LRP1B: variants seen among roughly 807,000 people sequenced by gnomAD.
LRP1B encodes the protein low-density lipoprotein receptor-related protein 1B.
In LRP1B, 217 loss-of-function variants were observed where a neutral mutation model predicts 556.6. The ratio of observed to expected loss-of-function variants is 0.39; its 90% CI spans 0.35 to 0.44. The LOEUF (loss-of-function observed/expected upper bound fraction) is 0.44. Ranked by LOEUF, LRP1B falls within the 20% of genes least tolerant of loss-of-function variation. LRP1B has a pLI of 1.00. For synonymous variants in LRP1B, 2,047 were observed against 1,865.8 expected, an observed-to-expected ratio of 1.10 and a Z score of -2.50; for missense variants, 5,053 against 5,620.8, an observed-to-expected ratio of 0.90 and a Z score of 3.23.
At chr2:141,111,970 C>T (rs7602763) in intron 7 of LRP1B, among the ~76,000 whole-genome samples, 76,073 of 151,218 alleles carry the variant, frequency 0.5, 19,913 homozygotes, top group Middle Eastern at 0.67. Context: ...GGCGTGAACT[C>T]GGGAGGCAGA....
intron 35 of LRP1B, among the ~76,000 whole-genome samples, chr2:140,742,823 T>A (rs752432732): frequency 6.6e-5 from 10 of 152,036 alleles, no homozygotes; most frequent in South Asian, 2.1e-4. Flanking sequence ...TGCCAAAAAA[T>A]TACATATAAT....
At chr2:142,023,251 T>C (rs1178181061) in intron 1 of LRP1B, among the ~76,000 whole-genome samples, 1 of 152,194 alleles carries the variant, frequency 6.6e-6, no homozygotes, top group Non-Finnish European at 1.5e-5. Flanking sequence ...AAATATATTG[T>C]TGCCTTCTCT....
intron 5 of LRP1B, among the ~76,000 whole-genome samples, chr2:141,229,895 T>G (rs1481616790): frequency 2.6e-5 from 4 of 151,952 alleles, no homozygotes; most frequent in Non-Finnish European, 5.9e-5. Flanking sequence ...AAACAAAGAG[T>G]GCACCTGTGA....
At chr2:140,988,073 A>G (rs893854789) in intron 17 of LRP1B, among the ~76,000 whole-genome samples, 2 of 152,154 alleles carry the variant, frequency 1.3e-5, no homozygotes, top group African/African-American at 4.8e-5. Flanking sequence ...AGTTGAACTG[A>G]CCATACCTAA....
In LRP1B at chr2:141,544,340, C is replaced by CTT. The variant is rs1231241122; in HGVS notation, c.206-63809_206-63808dup. 2.6e-3 allele frequency among the ~76,000 whole-genome samples: 191 copies of CTT among 73,230 alleles called. 2 individuals carry two copies. The highest frequency in any genetic ancestry group is 0.018 in the South Asian group (26 of 1,416). 48.0% of individuals were successfully genotyped at this position (73,230 alleles called of 152,430 possible). A position where few individuals can be genotyped will look rare whatever the true frequency, so the allele number is the denominator to read the frequency against. On this transcript the variant is annotated intron_variant, in intron 2 of 90. Transcript: ENST00000389484. ...TCTTCTTCTTCTTCTTCTTCTTCTT[C>CTT]TTCTTCTTCTTCTTCTTCTTCTTCT...
At chr2:140,599,497 A>G (rs912777841) in intron 42 of LRP1B, among the ~76,000 whole-genome samples, 1 of 152,112 alleles carries the variant, frequency 6.6e-6, no homozygotes, top group African/African-American at 2.4e-5. Context: ...AAGGCAGTTT[A>G]GCATTACAGC....
At chr2:141,240,448 AT>A (rs1384265148) in intron 5 of LRP1B, among the ~76,000 whole-genome samples, 2 of 151,872 alleles carry the variant, frequency 1.3e-5, no homozygotes, top group African/African-American at 4.8e-5. Context: ...ATACTTTTAT[AT>A]TTTTCCCAGG....
intron 55 of LRP1B, among the ~76,000 whole-genome samples, chr2:140,500,138 A>C (rs1689117465): frequency 1.3e-5 from 2 of 151,886 alleles, no homozygotes; most frequent in Admixed American, 6.6e-5. Flanking sequence ...GAATGAGTTC[A>C]TATTCTAAGT....
rs777438726 is a variant in LRP1B, at chr2:141,020,079, C to T, written c.1813G>A (p.Ala605Thr). Residue 605 changes from alanine to threonine, a missense_variant, in exon 12 of 91, where the codon GCT becomes ACT. Ala to Thr is a moderately conservative substitution (Grantham distance 58). Coordinates refer to ENST00000389484, the MANE Select transcript of LRP1B (RefSeq NM_018557.3). ...KDDLDNVEGI[A>T]VDWIGNNLYW... ...AGATTATTTCCAATCCAGTCCACAG[C>T]AATGCCCTCTACATTATCCAGATCT... The T allele has an allele frequency of 1.9e-6, 3 of 1,606,144 alleles. No individual in the cohort carries two copies. The South Asian group carries it at 3.3e-5, about 18-fold the overall frequency.
rs1690509725 is a variant in LRP1B at position 140,527,970 on chromosome 2, T to C, written c.7763-1620A>G. Among the ~76,000 whole-genome samples the C allele has an allele frequency of 2.6e-5, 4 of 151,924 alleles. No homozygotes were observed. In the South Asian group the frequency reaches 8.3e-4, roughly 31 times the overall value. ...TCCTAAGTAAGCCTATAATTGTTCATCTCATAATGCACTTGAGTTTCTGTC... is the reference window on the plus strand; with the variant it reads ...TCCTAAGTAAGCCTATAATTGTTCACCTCATAATGCACTTGAGTTTCTGTC... On this transcript the variant is annotated intron_variant, in intron 47 of 90. Transcript: ENST00000389484.
intron 79 of LRP1B, among the ~76,000 whole-genome samples, chr2:140,334,028 A>C (rs1317628058): frequency 6.6e-6 from 1 of 152,014 alleles, no homozygotes; most frequent in African/African-American, 2.4e-5. Flanking sequence ...AACAAAAAAA[A>C]AAACACCAAA....
intron 43 of LRP1B, among the ~76,000 whole-genome samples, chr2:140,569,921 G>T (rs553700764): frequency 1.3e-5 from 2 of 151,836 alleles, no homozygotes; most frequent in African/African-American, 4.8e-5. Flanking sequence ...TAAACAACAT[G>T]CTCCTGAATG....
chr2:140,953,562 T>C (rs1209559168), intron 18 of LRP1B, among the ~76,000 whole-genome samples: 1 of 152,194 alleles, frequency 6.6e-6, no homozygotes, highest in Admixed American at 6.5e-5. Context: ...CTCTGCATTG[T>C]CTCAGGGCTG....
intron 7 of LRP1B, among the ~76,000 whole-genome samples, chr2:141,106,027 A>G (rs1318484238): frequency 6.6e-6 from 1 of 152,150 alleles, no homozygotes; most frequent in Non-Finnish European, 1.5e-5. Context: ...TCCAGAATAG[A>G]AAGTTGCTTG....
chr2:140,300,213 C>A (rs1007748667), intron 83 of LRP1B, among the ~76,000 whole-genome samples: 14 of 152,138 alleles, frequency 9.2e-5, no homozygotes, highest in Admixed American at 9.2e-4. Flanking sequence ...CTTTGAAGAG[C>A]AGATTTCTTT....
At chr2:140,267,867 G>C (rs1261479935) in intron 86 of LRP1B, among the ~76,000 whole-genome samples, 4 of 151,808 alleles carry the variant, frequency 2.6e-5, no homozygotes, top group Admixed American at 2.0e-4. Flanking sequence ...TTTTTTCCTG[G>C]TTGTGTTTAT....
At chr2:140,256,414 A>G (rs1210403916) in intron 86 of LRP1B, among the ~76,000 whole-genome samples, 5 of 46,176 alleles carry the variant, frequency 1.1e-4, no homozygotes, top group Admixed American at 4.0e-4. Flanking sequence ...TCTATTTTGT[A>G]TGGTTTTATG....
rs540999055 is a variant in LRP1B, at chr2:141,608,210, G to A, written c.206-127677C>T. 3.3e-5 allele frequency among the ~76,000 whole-genome samples: 5 copies of A among 152,152 alleles called. No homozygotes were observed. In the South Asian group the frequency reaches 1.0e-3, roughly 32 times the overall value. On this transcript the variant is annotated intron_variant, in intron 2 of 90. Coordinates refer to ENST00000389484, the MANE Select transcript of LRP1B (RefSeq NM_018557.3). ...TTTCACTCCAGCCTGGGCAATAAGA[G>A]CAAAACTCCGTCTCAAAAGAAAAAA...
chr2:141,211,311 A>AAAC (rs1486228008), intron 6 of LRP1B, among the ~76,000 whole-genome samples: 5 of 151,552 alleles, frequency 3.3e-5, no homozygotes, highest in East Asian at 1.9e-4. Flanking sequence ...TTTTAAAAAA[A>AAAC]AAAAACAAAA....
Sources: allele counts gnomAD v4.1 joint callset (sites outside exome capture counted in the v4.1 genomes callset), GRCh38; gene constraint gnomAD v4.1.1; transcripts MANE v1.5; gene names NCBI Gene and HGNC (gene_info 2026-07-23, HGNC 2026-07-21).